RALGPS1: variants seen among roughly 807,000 people sequenced by gnomAD.
The protein encoded by RALGPS1 is ras-specific guanine nucleotide-releasing factor RalGPS1.
Under a neutral mutation model 78.8 loss-of-function variants are expected in RALGPS1, and 19 were observed. The observed-to-expected ratio is 0.24, with a 90% CI of 0.17 to 0.35. RALGPS1 has a LOEUF of 0.35. Among genes scored for constraint, RALGPS1 ranks in the 10% least tolerant of loss-of-function variants. RALGPS1 has a pLI of 1.00. For missense variants in RALGPS1, 454 were observed against 688.3 expected (o/e 0.66, Z 3.81); for synonymous variants, 228 against 256.3 (o/e 0.89, Z 1.06).
chr9:127,151,515 A>G (rs1364253910), intron 8 of RALGPS1, among the ~76,000 whole-genome samples: 1 of 152,248 alleles, frequency 6.6e-6, no homozygotes, highest in Non-Finnish European at 1.5e-5. Flanking sequence ...GCTACCATAC[A>G]GCATCATAGC....
chr9:127,143,408 G>A (rs2057908551), intron 8 of RALGPS1, among the ~76,000 whole-genome samples: 1 of 152,172 alleles, frequency 6.6e-6, no homozygotes, highest in South Asian at 2.1e-4. Context: ...TTAGATGGAG[G>A]CTTTTATTTA....
At chr9:126,986,443 G>A (rs2041809243) in intron 4 of RALGPS1, among the ~76,000 whole-genome samples, 1 of 152,122 alleles carries the variant, frequency 6.6e-6, no homozygotes, top group Non-Finnish European at 1.5e-5. Flanking sequence ...CCAGGGCTTG[G>A]GGCAAGGGCT....
In RALGPS1 at chr9:127,061,372, T is replaced by C. The variant is rs536733992; in HGVS notation, c.484-7858T>C. On this transcript the variant is annotated intron_variant, in intron 7 of 18. Coordinates refer to ENST00000259351, the MANE Select transcript of RALGPS1 (RefSeq NM_014636.3). ...TTCTTTTCGATTTGCTGTTCATGCT[T>C]AGCAGTTTGTGATTGGTACCCTGTT... is the stretch of plus-strand genomic sequence containing the variant. 3.7e-4 allele frequency among the ~76,000 whole-genome samples: 56 copies of C among 152,330 alleles called. 1 individual carries two copies. The highest frequency in any genetic ancestry group is 1.3e-3 in the African/African-American group (53 of 41,578).
chr9:127,200,030 ATG>A (rs1165803090), intron 14 of RALGPS1, among the ~76,000 whole-genome samples: 2 of 151,560 alleles, frequency 1.3e-5, no homozygotes, highest in African/African-American at 4.9e-5. Flanking sequence ...ACGCTCACAC[ATG>A]TGCTTGTGTA....
chr9:126,982,517 A>G (rs1436437377), intron 4 of RALGPS1, among the ~76,000 whole-genome samples: 4 of 152,178 alleles, frequency 2.6e-5, no homozygotes, highest in African/African-American at 4.8e-5. Context: ...AACAACCACC[A>G]TTTTTGAACG....
chr9:126,957,958 G>C (rs942976668), intron 1 of RALGPS1, among the ~76,000 whole-genome samples: 1 of 151,592 alleles, frequency 6.6e-6, no homozygotes, highest in Non-Finnish European at 1.5e-5. Context: ...GCAATGTAGT[G>C]AGACTTCATT....
chr9:127,033,548 C>T (rs1353938544), intron 4 of RALGPS1, among the ~76,000 whole-genome samples: 2 of 152,150 alleles, frequency 1.3e-5, no homozygotes, highest in Non-Finnish European at 2.9e-5. Context: ...AATACTGAGG[C>T]CTGGTAGGAA....
chr9:126,967,393 C>T (rs1236426920), intron 3 of RALGPS1, among the ~76,000 whole-genome samples: 1 of 152,150 alleles, frequency 6.6e-6, no homozygotes, highest in East Asian at 1.9e-4. Flanking sequence ...CATGGCTCTT[C>T]CTTAGTTGTC....
chr9:126,994,076 GAA>G (rs1001943136), intron 4 of RALGPS1, among the ~76,000 whole-genome samples: 3 of 151,590 alleles, frequency 2.0e-5, no homozygotes. Context: ...ACAAAGATGG[GAA>G]AAAAAACAGA....
At chr9:126,978,448 T>C (rs1166279700) in intron 4 of RALGPS1, 1 of 151,908 alleles carries the variant, frequency 6.6e-6, no homozygotes, top group African/African-American at 2.4e-5. Context: ...AGGGTGTGTG[T>C]GTGTGTGCGT....
chr9:127,110,489 G>A (rs1370309475), intron 8 of RALGPS1, among the ~76,000 whole-genome samples: 1 of 152,150 alleles, frequency 6.6e-6, no homozygotes, highest in Non-Finnish European at 1.5e-5. Flanking sequence ...CAGAGGTCAC[G>A]TTGGTGATCA....
At chr9:127,038,264 GCTAT>G (rs2047021541) in intron 5 of RALGPS1, among the ~76,000 whole-genome samples, 1 of 152,176 alleles carries the variant, frequency 6.6e-6, no homozygotes, top group Non-Finnish European at 1.5e-5. Context: ...TTTTACCCGT[GCTAT>G]CTAATTCAAT....
intron 11 of RALGPS1, among the ~76,000 whole-genome samples, chr9:127,193,684 TCTGTAGGGC>T (rs1484587872): frequency 6.6e-6 from 1 of 152,012 alleles, no homozygotes; most frequent in Non-Finnish European, 1.5e-5. Context: ...CACTGGTGGG[TCTGTAGGGC>T]CTTGTGTTGG....
chr9:127,125,557 C>A (rs1441321223), intron 8 of RALGPS1, among the ~76,000 whole-genome samples: 1 of 152,242 alleles, frequency 6.6e-6, no homozygotes, highest in Non-Finnish European at 1.5e-5. Flanking sequence ...CTGCGCCCGG[C>A]TGCAGCATTT....
chr9:126,957,446 G>T (rs2038451929), intron 1 of RALGPS1, among the ~76,000 whole-genome samples: 1 of 152,176 alleles, frequency 6.6e-6, no homozygotes, highest in African/African-American at 2.4e-5. Flanking sequence ...CTTCAGCCTG[G>T]GCCTGAGATA....
intron 6 of RALGPS1, among the ~76,000 whole-genome samples, chr9:127,050,396 C>T (rs892490952): frequency 1.3e-5 from 2 of 152,242 alleles, no homozygotes; most frequent in Admixed American, 6.5e-5. Flanking sequence ...TTCTCCTTAC[C>T]TGGGCTTTCA....
intron 2 of RALGPS1, 21 bp from the exon 3 acceptor site, chr9:126,965,823 A>C: frequency 6.3e-7 from 1 of 1,598,604 alleles, no homozygotes; most frequent in African/African-American, 1.3e-5. Context: ...AGTTGGCACC[A>C]TCTTTCCCTG....
intron 8 of RALGPS1, among the ~76,000 whole-genome samples, chr9:127,162,871 GA>G (rs1423830873): frequency 6.6e-6 from 1 of 152,226 alleles, no homozygotes; most frequent in Non-Finnish European, 1.5e-5. Flanking sequence ...ATGACCAGTG[GA>G]TGGGAACATG....
chr9:127,216,916 C>T, intron 18 of RALGPS1: 1 of 1,545,332 alleles, frequency 6.5e-7, no homozygotes, highest in Non-Finnish European at 8.7e-7. Context: ...GAAGCCGGAG[C>T]AGCTCCAGGT....
Sources: allele counts gnomAD v4.1 joint callset (sites outside exome capture counted in the v4.1 genomes callset), GRCh38; gene constraint gnomAD v4.1.1; transcripts MANE v1.5; gene names NCBI Gene and HGNC (gene_info 2026-07-23, HGNC 2026-07-21).